Variants in ABCC4 observed in about 807,000 individuals in gnomAD.
The protein encoded by ABCC4 is ATP binding cassette subfamily C member 4 (PEL blood group).
A neutral mutation model predicts 168.5 loss-of-function variants in ABCC4; 102 were observed. The ratio of observed to expected loss-of-function variants is 0.61; its 90% CI spans 0.52 to 0.71. The LOEUF is 0.71. ABCC4 is among the 30% of genes least tolerant of loss of function. The pLI is 0.00. For missense variants in ABCC4, 1,402 were observed against 1,605.8 expected (o/e 0.87, Z 2.17); for synonymous variants, 617 against 590.7 (o/e 1.04, Z -0.65).
intron 4 of ABCC4, among the ~76,000 whole-genome samples, chr13:95,226,810 C>T (rs1247864498): frequency 6.6e-6 from 1 of 152,198 alleles, no homozygotes; most frequent in Middle Eastern, 3.2e-3. Context: ...AGCTACCATG[C>T]TTGAGGTTTA....
At chr13:95,029,183 TATATATATATATATATATATATATATA>T in intron 30 of ABCC4, among the ~76,000 whole-genome samples, 1 of 46,990 alleles carries the variant, frequency 2.1e-5, no homozygotes, top group Non-Finnish European at 3.9e-5. Context: ...TATATATATA[TATATATATATATATATATATATATATA>T]TATAGAGAGA....
intron 19 of ABCC4, among the ~76,000 whole-genome samples, chr13:95,120,509 T>C (rs1006688190): frequency 8.6e-4 from 118 of 137,848 alleles, no homozygotes; most frequent in Non-Finnish European, 7.1e-4. Flanking sequence ...GAGGTTGCCA[T>C]GAGCCAAGAT....
chr13:95,260,394 C>T (rs559146215), intron 1 of ABCC4, among the ~76,000 whole-genome samples: 7 of 152,176 alleles, frequency 4.6e-5, no homozygotes, highest in Non-Finnish European at 1.0e-4. Context: ...CAGAACAAGC[C>T]AAGATGAAAC....
intron 29 of ABCC4, among the ~76,000 whole-genome samples, chr13:95,035,493 T>G (rs894450613): frequency 6.6e-6 from 1 of 152,198 alleles, no homozygotes; most frequent in Non-Finnish European, 1.5e-5. Context: ...GAAATTGAGC[T>G]CCAAATTCCT....
At position 95,047,476 on chromosome 13, in the gene ABCC4, CTTTTTTTTT is replaced by C. The variant is rs71111586; in HGVS notation, c.3457-3047_3457-3039del. On this transcript the variant is annotated intron_variant, in intron 27 of 30. Transcript: ENST00000645237. ...CCTGGACAATGAAATACTGCCTATT[CTTTTTTTTT>C]TTTTTTTTTTTTGAGGTGGATTCTT... 7.2e-5 allele frequency among the ~76,000 whole-genome samples: 6 copies of C among 83,364 alleles called. No homozygotes were observed. The Admixed American group carries it at 8.7e-4, about 12-fold the overall frequency. The allele number at this position is 83,364 out of a possible 152,430, so 54.7% of individuals were successfully genotyped here. A position where few individuals can be genotyped will look rare whatever the true frequency, so the allele number is the denominator to read the frequency against.
intron 20 of ABCC4, among the ~76,000 whole-genome samples, chr13:95,103,125 C>T (rs1013757447): frequency 2.6e-5 from 4 of 151,788 alleles, no homozygotes; most frequent in Admixed American, 1.3e-4. Flanking sequence ...ATTAGCCTGG[C>T]GTGGTAGCAT....
chr13:95,170,938 T>G (rs1253762474), intron 13 of ABCC4, among the ~76,000 whole-genome samples: 3 of 152,038 alleles, frequency 2.0e-5, no homozygotes, highest in African/African-American at 4.8e-5. Flanking sequence ...ACACTAATTA[T>G]TTTATTGCCG....
intron 3 of ABCC4, among the ~76,000 whole-genome samples, chr13:95,241,458 A>G (rs1439458622): frequency 1.3e-5 from 2 of 152,066 alleles, no homozygotes. Flanking sequence ...CAGCATAGAT[A>G]CAAATGGAGA....
intron 19 of ABCC4, among the ~76,000 whole-genome samples, chr13:95,150,369 A>C (rs1469646592): frequency 6.6e-6 from 1 of 152,208 alleles, no homozygotes; most frequent in African/African-American, 2.4e-5. Flanking sequence ...ACATTTGCCT[A>C]TGTGATATAA....
At chr13:95,251,482 A>T (rs538964643) in intron 1 of ABCC4, among the ~76,000 whole-genome samples, 153 of 152,318 alleles carry the variant, frequency 1.0e-3, no homozygotes, top group African/African-American at 3.6e-3. Flanking sequence ...AAGCCTAATA[A>T]AACCTTTTTC....
intron 19 of ABCC4, among the ~76,000 whole-genome samples, chr13:95,157,070 C>T (rs1003632953): frequency 2.8e-5 from 4 of 142,116 alleles, no homozygotes; most frequent in East Asian, 2.1e-4. Flanking sequence ...CCAGCCTGGG[C>T]GACAGAGTGA....
chr13:95,130,534 A>G (rs1430554313), intron 19 of ABCC4, among the ~76,000 whole-genome samples: 1 of 152,216 alleles, frequency 6.6e-6, no homozygotes, highest in Non-Finnish European at 1.5e-5. Context: ...ATACCGTGGC[A>G]AAACAAATTT....
At chr13:95,171,312 A>G (rs540302908) in intron 13 of ABCC4, among the ~76,000 whole-genome samples, 26 of 152,172 alleles carry the variant, frequency 1.7e-4, no homozygotes, top group African/African-American at 6.0e-4. Context: ...GTATTCAACC[A>G]TCAAGTTTTC....
intron 1 of ABCC4, among the ~76,000 whole-genome samples, chr13:95,264,493 G>A (rs907154412): frequency 6.6e-5 from 10 of 152,220 alleles, no homozygotes; most frequent in Middle Eastern, 3.4e-3. Flanking sequence ...GTGTGCCTCC[G>A]GATACAATGC....
chr13:95,058,594 A>AAAAAAAAAAAAAAAAAAAG (rs2033163283), intron 26 of ABCC4, among the ~76,000 whole-genome samples: 28 of 41,398 alleles, frequency 6.8e-4, no homozygotes, highest in Non-Finnish European at 8.2e-4. Context: ...AAAAAAAAAG[A>AAAAAAAAAAAAAAAAAAAG]AAAGAAAAAG....
chr13:95,075,633 T>A, intron 21 of ABCC4, 82 bp from the exon 22 acceptor site: 3 of 1,579,118 alleles, frequency 1.9e-6, no homozygotes, highest in Non-Finnish European at 2.6e-6. Flanking sequence ...TGGTCACGTA[T>A]CCACCAAACA....
At chr13:95,103,587 A>G (rs1473006535) in intron 20 of ABCC4, among the ~76,000 whole-genome samples, 1 of 152,214 alleles carries the variant, frequency 6.6e-6, no homozygotes, top group Non-Finnish European at 1.5e-5. Context: ...GGGATCGACT[A>G]TCCTGCAGTG....
At chr13:95,194,418 A>G (rs560067849) in intron 9 of ABCC4, among the ~76,000 whole-genome samples, 1 of 152,350 alleles carries the variant, frequency 6.6e-6, no homozygotes, top group African/African-American at 2.4e-5. Flanking sequence ...AATATGTAAT[A>G]AGATGACCTG....
intron 1 of ABCC4, among the ~76,000 whole-genome samples, chr13:95,266,689 G>A (rs1028044205): frequency 2.0e-5 from 3 of 152,122 alleles, no homozygotes; most frequent in Non-Finnish European, 4.4e-5. Context: ...GAGCCAGCCA[G>A]GCCATCTTCC....
Sources: allele counts gnomAD v4.1 joint callset (sites outside exome capture counted in the v4.1 genomes callset), GRCh38; gene constraint gnomAD v4.1.1; transcripts MANE v1.5; gene names NCBI Gene and HGNC (gene_info 2026-07-23, HGNC 2026-07-21).